Variants in CNTLN observed in about 807,000 individuals in gnomAD.
CNTLN encodes centlein, centrosomal protein.
Under a neutral mutation model 180.0 loss-of-function variants are expected in CNTLN, and 212 were observed. The ratio of observed to expected loss-of-function variants is 1.18; its 90% CI spans 1.05 to 1.32. CNTLN has a LOEUF of 1.32. Ranked by LOEUF, CNTLN falls within the 40% of genes most tolerant of loss-of-function variation. The pLI, the probability that CNTLN is intolerant of heterozygous loss-of-function variation, is 0.00. For missense variants in CNTLN, 2,095 were observed against 1,610.9 expected, an observed-to-expected ratio of 1.30 and a Z score of -5.14; for synonymous variants, 722 against 563.1, an observed-to-expected ratio of 1.28 and a Z score of -3.99.
At chr9:17,338,488 A>G (rs1821227977) in intron 10 of CNTLN, among the ~76,000 whole-genome samples, 1 of 151,278 alleles carries the variant, frequency 6.6e-6, no homozygotes, top group Non-Finnish European at 1.5e-5. Flanking sequence ...ATTTCTTATA[A>G]TTAAATTATT....
intron 1 of CNTLN, among the ~76,000 whole-genome samples, chr9:17,142,169 G>C (rs1350064214): frequency 6.6e-6 from 1 of 152,016 alleles, no homozygotes; most frequent in Admixed American, 6.6e-5. Flanking sequence ...GCTCATAGGT[G>C]GGCCGCATGC....
chr9:17,440,538 G>A (rs963200309), intron 18 of CNTLN, among the ~76,000 whole-genome samples: 1 of 145,308 alleles, frequency 6.9e-6, no homozygotes, highest in African/African-American at 2.6e-5. Flanking sequence ...GAAGTGAGCC[G>A]AGATCACACC....
At chr9:17,433,035 A>AAAAC (rs1829519710) in intron 18 of CNTLN, among the ~76,000 whole-genome samples, 1 of 150,796 alleles carries the variant, frequency 6.6e-6, no homozygotes, top group African/African-American at 2.4e-5. Context: ...AAAAAAAAAA[A>AAAAC]AAACAAAGAT....
chr9:17,196,428 G>A (rs114991618), intron 2 of CNTLN, among the ~76,000 whole-genome samples: 3,158 of 152,060 alleles, frequency 0.021, 69 homozygotes, highest in African/African-American at 0.056. Flanking sequence ...AAAGAATTAT[G>A]GAATATATAC....
At chr9:17,400,627 G>A (rs1826900770) in intron 15 of CNTLN, among the ~76,000 whole-genome samples, 1 of 152,168 alleles carries the variant, frequency 6.6e-6, no homozygotes, top group African/African-American at 2.4e-5. Flanking sequence ...TAGATACGTT[G>A]TGAGAAAGAA....
chr9:17,346,187 G>C (rs113803101), intron 12 of CNTLN, among the ~76,000 whole-genome samples: 2,495 of 152,232 alleles, frequency 0.016, 72 homozygotes, highest in African/African-American at 0.057. Context: ...AGAGGAGTGA[G>C]AAGTGAAGGG....
At chr9:17,480,168 G>A (rs1200457310) in intron 23 of CNTLN, among the ~76,000 whole-genome samples, 1 of 152,000 alleles carries the variant, frequency 6.6e-6, no homozygotes, top group Non-Finnish European at 1.5e-5. Flanking sequence ...TTCAGCCCGG[G>A]TGACAGAGCA....
At chr9:17,225,431 CTGTT>C (rs879636241) in intron 2 of CNTLN, among the ~76,000 whole-genome samples, 1 of 151,894 alleles carries the variant, frequency 6.6e-6, no homozygotes, top group South Asian at 2.1e-4. Flanking sequence ...ATAGATTTGT[CTGTT>C]TAATTATTTA....
chr9:17,368,718 A>G (rs1824044487), intron 13 of CNTLN, among the ~76,000 whole-genome samples: 1 of 152,204 alleles, frequency 6.6e-6, no homozygotes, highest in African/African-American at 2.4e-5. Flanking sequence ...AATCCAGAGA[A>G]TTCTTCCGGA....
In CNTLN at chr9:17,416,136, C is replaced by T. The variant is rs200769542; in HGVS notation, c.3061C>T (p.His1021Tyr). ...TAAAGAAGTTAATGAAAAGCTCCTC[C>T]ATCAACAGCAAGTATCCGATCAACG... ...EYKEVNEKLL[H>Y]QQQVSDQRFQ... The change falls in exon 18 of 26, where the codon CAT (histidine) becomes TAT (tyrosine). Residue 1021 changes from histidine (H) to tyrosine (Y), a missense_variant. Transcript: ENST00000380647. 80 of 1,613,486 alleles carry T rather than the reference C, an allele frequency of 5.0e-5. No homozygotes were observed. In the African/African-American group the frequency reaches 9.5e-4, roughly 19 times the overall value.
At chr9:17,282,103 C>A (rs1828702375) in intron 6 of CNTLN, among the ~76,000 whole-genome samples, 1 of 152,150 alleles carries the variant, frequency 6.6e-6, no homozygotes, top group Non-Finnish European at 1.5e-5. Flanking sequence ...GCTGGGACTA[C>A]AGGTGTGTGC....
chr9:17,197,129 A>G (rs1330144647), intron 2 of CNTLN, among the ~76,000 whole-genome samples: 1 of 152,182 alleles, frequency 6.6e-6, no homozygotes, highest in Admixed American at 6.5e-5. Flanking sequence ...TCATCTGTTA[A>G]ATAAAAATAA....
chr9:17,338,733 T>C lies in CNTLN; in HGVS notation c.1645-2094T>C, dbSNP rs138388819. On this transcript the variant is annotated intron_variant, in intron 10 of 25. Transcript: ENST00000380647. ...TGTTAACCAAATTAATATGAAAAACTCAAGTTCAAGACTAAATTATTCTCT... is the reference window on the plus strand; with the variant it reads ...TGTTAACCAAATTAATATGAAAAACCCAAGTTCAAGACTAAATTATTCTCT... Among the ~76,000 whole-genome samples, 334 of 152,262 alleles carry C rather than the reference T, an allele frequency of 2.2e-3. 1 individual carries two copies. Among genetic ancestry groups the C allele is most frequent in the African/African-American group, 7.6e-3 (317 of 41,566 alleles).
intron 23 of CNTLN, among the ~76,000 whole-genome samples, chr9:17,480,091 C>G (rs1391300736): frequency 6.6e-6 from 1 of 151,804 alleles, no homozygotes; most frequent in Non-Finnish European, 1.5e-5. Context: ...TTTTCAAGGC[C>G]AAGACAGGAT....
intron 2 of CNTLN, among the ~76,000 whole-genome samples, chr9:17,193,815 C>G (rs1265619795): frequency 1.3e-5 from 2 of 152,196 alleles, no homozygotes; most frequent in African/African-American, 4.8e-5. Flanking sequence ...GTTGCTCTAT[C>G]AGAGGTTCTC....
intron 23 of CNTLN, among the ~76,000 whole-genome samples, chr9:17,479,831 C>G (rs1183466801): frequency 1.3e-5 from 2 of 151,962 alleles, no homozygotes; most frequent in African/African-American, 4.8e-5. Flanking sequence ...TGAAATGTAT[C>G]TTTTGAACAA....
chr9:17,196,821 T>C (rs949583892), intron 2 of CNTLN, among the ~76,000 whole-genome samples: 4 of 151,980 alleles, frequency 2.6e-5, no homozygotes, highest in African/African-American at 4.8e-5. Context: ...GTAAATGGGG[T>C]GTACATTACC....
At chr9:17,462,313 C>T (rs1294361919) in intron 19 of CNTLN, among the ~76,000 whole-genome samples, 2 of 151,718 alleles carry the variant, frequency 1.3e-5, no homozygotes, top group Non-Finnish European at 3.0e-5. Flanking sequence ...TACCTTGGTA[C>T]ACTTCCACAT....
At chr9:17,302,330 T>G (rs1818428907) in intron 7 of CNTLN, among the ~76,000 whole-genome samples, 1 of 152,034 alleles carries the variant, frequency 6.6e-6, no homozygotes, top group South Asian at 2.1e-4. Flanking sequence ...CCCCAGTAGC[T>G]GGGACTACAG....
Sources: gnomAD v4.1 joint callset for allele counts (sites outside exome capture counted in the v4.1 genomes callset) on GRCh38, gnomAD v4.1.1 for gene constraint, MANE v1.5 for transcripts, NCBI Gene and HGNC (gene_info 2026-07-23, HGNC 2026-07-21) for gene names.